Variants in NXPH2 observed in about 807,000 individuals in gnomAD.
NXPH2 encodes neurexophilin-2.
NXPH2 carries 5 observed loss-of-function variants against 19.8 expected under a neutral mutation model. The observed-to-expected ratio is 0.25, with a 90% CI of 0.13 to 0.53. NXPH2 has a LOEUF of 0.53. Ranked by LOEUF, NXPH2 falls within the 20% of genes least tolerant of loss-of-function variation. The pLI is 0.96. For synonymous variants in NXPH2, 154 were observed against 127.4 expected (o/e 1.21, Z -1.41); for missense variants, 289 against 322.8 (o/e 0.90, Z 0.80).
At chr2:138,762,184 C>T (rs1239574649) in intron 1 of NXPH2, among the ~76,000 whole-genome samples, 1 of 152,124 alleles carries the variant, frequency 6.6e-6, no homozygotes, top group African/African-American at 2.4e-5. Flanking sequence ...GGTCAAAATA[C>T]ACTTTATTAC....
intron 1 of NXPH2, among the ~76,000 whole-genome samples, chr2:138,713,828 C>T (rs1681147827): frequency 6.6e-6 from 1 of 152,088 alleles, no homozygotes; most frequent in Non-Finnish European, 1.5e-5. Context: ...CCTTATCAAA[C>T]CTTTCTATTT....
At chr2:138,717,002 A>G (rs1429603308) in intron 1 of NXPH2, among the ~76,000 whole-genome samples, 1 of 152,176 alleles carries the variant, frequency 6.6e-6, no homozygotes. Flanking sequence ...GATGGATAAG[A>G]TTATTCACTA....
At chr2:138,721,330 A>T (rs1681276051) in intron 1 of NXPH2, among the ~76,000 whole-genome samples, 1 of 150,320 alleles carries the variant, frequency 6.7e-6, no homozygotes. Flanking sequence ...ATAGAGCAAG[A>T]CTCCGTCTGA....
intron 1 of NXPH2, among the ~76,000 whole-genome samples, chr2:138,756,675 A>G (rs377031675): frequency 1.3e-5 from 2 of 152,180 alleles, no homozygotes; most frequent in African/African-American, 4.8e-5. Flanking sequence ...CGTTGGATAC[A>G]AAAGAACACT....
rs201853692 is a variant in NXPH2 at position 138,671,200 on chromosome 2, G to C, written c.517C>G (p.Pro173Ala). The C allele has an allele frequency of 2.3e-4, 372 of 1,613,704 alleles. 1 individual carries two copies. The highest frequency in any genetic ancestry group is 3.0e-4 in the Non-Finnish European group (352 of 1,179,836). ...TCCTTGGTCTCCAAGGTAGACTGGG[G>C]GGAAACTTCAAATTCCACCACCTTG... is the stretch of plus-strand genomic sequence containing the variant. ...PSKVVEFEVS[P>A]QSTLETKESK... The change falls in exon 2 of 2, where the codon CCC (proline) becomes GCC (alanine). Residue 173 changes from proline to alanine, a missense_variant. Pro to Ala is a conservative substitution (Grantham distance 27, BLOSUM62 -1). Coordinates refer to ENST00000272641, the MANE Select transcript of NXPH2 (RefSeq NM_007226.3).
intron 1 of NXPH2, among the ~76,000 whole-genome samples, chr2:138,742,317 T>C (rs1484339005): frequency 6.6e-6 from 1 of 152,106 alleles, no homozygotes; most frequent in Non-Finnish European, 1.5e-5. Context: ...TGGGTTCAAA[T>C]ACTGAGGAAT....
intron 1 of NXPH2, among the ~76,000 whole-genome samples, chr2:138,768,104 C>T (rs1402277092): frequency 6.6e-6 from 1 of 152,142 alleles, no homozygotes; most frequent in East Asian, 1.9e-4. Context: ...TTTCAGGATA[C>T]AATATCTTTT....
At chr2:138,745,981 G>A (rs930769246) in intron 1 of NXPH2, among the ~76,000 whole-genome samples, 2 of 152,184 alleles carry the variant, frequency 1.3e-5, no homozygotes, top group African/African-American at 2.4e-5. Flanking sequence ...GGTCAAAATA[G>A]CCATCCACAG....
chr2:138,736,619 C>T (rs1681543114), intron 1 of NXPH2, among the ~76,000 whole-genome samples: 1 of 152,206 alleles, frequency 6.6e-6, no homozygotes, highest in Admixed American at 6.5e-5. Context: ...ACATTTTTCC[C>T]ATTGTCTTGG....
At chr2:138,676,115 A>C (rs1680481071) in intron 1 of NXPH2, among the ~76,000 whole-genome samples, 2 of 152,194 alleles carry the variant, frequency 1.3e-5, no homozygotes, top group South Asian at 4.1e-4. Flanking sequence ...TATTACTTTA[A>C]AATACACGTA....
intron 1 of NXPH2, among the ~76,000 whole-genome samples, chr2:138,770,387 T>C (rs72873919): frequency 0.011 from 1,720 of 152,198 alleles, 24 homozygotes; most frequent in Non-Finnish European, 0.016. Context: ...AATAATAAAC[T>C]TCATACTTAG....
In NXPH2 at chr2:138,751,547, A is replaced by G. The variant is rs1342079705; in HGVS notation, c.51+28644T>C. Among the ~76,000 whole-genome samples, 3 of 151,862 alleles carry G rather than the reference A, an allele frequency of 2.0e-5. No individual in the cohort carries two copies. In the East Asian group the frequency reaches 5.8e-4, roughly 29 times the overall value. The stretch of plus-strand genomic sequence containing the variant: ...CTATTGTGAACAATTTTTTCCTTTT[A>G]CCTCCTTAAAATATCCTAATAAATC... On this transcript the variant is annotated intron_variant, in intron 1 of 1. Transcript: ENST00000272641.
chr2:138,749,337 G>A (rs1681791852), intron 1 of NXPH2, among the ~76,000 whole-genome samples: 1 of 151,974 alleles, frequency 6.6e-6, no homozygotes, highest in African/African-American at 2.4e-5. Flanking sequence ...CCTTGTCTTG[G>A]GCAGTATCTT....
intron 1 of NXPH2, among the ~76,000 whole-genome samples, chr2:138,680,941 T>C (rs1461363678): frequency 3.3e-5 from 5 of 152,336 alleles, no homozygotes; most frequent in Non-Finnish European, 4.4e-5. Context: ...ACTATTTTCA[T>C]GACCATAAAC....
At chr2:138,730,143 C>G (rs1024253340) in intron 1 of NXPH2, among the ~76,000 whole-genome samples, 1 of 152,100 alleles carries the variant, frequency 6.6e-6, no homozygotes, top group Non-Finnish European at 1.5e-5. Context: ...TGGACTAGGG[C>G]CTGCCCATAT....
intron 1 of NXPH2, among the ~76,000 whole-genome samples, chr2:138,761,873 A>T (rs975556881): frequency 4.6e-5 from 7 of 152,158 alleles, no homozygotes; most frequent in African/African-American, 1.7e-4. Context: ...TTCAGGGAGG[A>T]TGTCCAGGGA....
chr2:138,671,104 A>C lies in NXPH2; in HGVS notation c.613T>G (p.Phe205Val), dbSNP rs750313027. ...DRAKKTALCN[F>V]DPSKICYQEQ... ...TGGTAGCAGATCTTGGATGGGTCAAAGTTGCACAGGGCGGTCTTTTTCGCC... is the reference window on the plus strand; with the variant it reads ...TGGTAGCAGATCTTGGATGGGTCAACGTTGCACAGGGCGGTCTTTTTCGCC... The change falls in exon 2 of 2, where the codon TTT becomes GTT. Residue 205 changes from phenylalanine to valine, a missense_variant. By Grantham distance (50) the Phe-to-Val change is conservative. Transcript: ENST00000272641. The C allele has an allele frequency of 6.2e-7, 1 of 1,613,982 alleles. No homozygotes were observed. Among genetic ancestry groups the C allele is most frequent in the Non-Finnish European group, 8.5e-7 (1 of 1,179,864 alleles).
At chr2:138,681,002 A>G (rs919113516) in intron 1 of NXPH2, among the ~76,000 whole-genome samples, 19 of 152,296 alleles carry the variant, frequency 1.2e-4, no homozygotes, top group Admixed American at 1.2e-3. Flanking sequence ...GCTACCAGCT[A>G]CAGAGCTTGG....
chr2:138,695,748 T>C (rs1487800262), intron 1 of NXPH2, among the ~76,000 whole-genome samples: 1 of 151,922 alleles, frequency 6.6e-6, no homozygotes, highest in East Asian at 1.9e-4. Flanking sequence ...AGAAAAGATG[T>C]AAAAATCAAA....
Sources: allele counts gnomAD v4.1 joint callset (sites outside exome capture counted in the v4.1 genomes callset), GRCh38; gene constraint gnomAD v4.1.1; transcripts MANE v1.5; gene names NCBI Gene and HGNC (gene_info 2026-07-23, HGNC 2026-07-21).